Variants in DBF4B observed in about 807,000 individuals in gnomAD.
DBF4B encodes the protein DBF4B-CDC7 kinase regulatory subunit.
Under a neutral mutation model 53.4 loss-of-function variants are expected in DBF4B, and 49 were observed. The observed-to-expected ratio is 0.92, with a 90% confidence interval of 0.73 to 1.16. The LOEUF is 1.16. Ranked by LOEUF, DBF4B falls within the 50% of genes most tolerant of loss-of-function variation. The pLI, the probability that DBF4B is intolerant of heterozygous loss-of-function variation, is 0.00. For synonymous variants in DBF4B, 257 were observed against 288.7 expected, an observed-to-expected ratio of 0.89 and a Z score of 1.11; for missense variants, 692 against 775.0, an observed-to-expected ratio of 0.89 and a Z score of 1.27.
chr17:44,750,596 G>A lies in DBF4B; in HGVS notation c.1191G>A (p.Val397=), dbSNP rs1255901188. Residue 397 remains valine (V), a splice_region_variant and synonymous_variant, in exon 14 of 14, where the codon GTG becomes GTA. Coordinates refer to ENST00000315005, the MANE Select transcript of DBF4B (RefSeq NM_145663.3). Reference sequence around the variant, plus strand: ...GTCGGTCCTTGATCTGCCCTCCAGTGACCCAAGGCAGGGCTGCGGGCCAGC... The same window carrying A: ...GTCGGTCCTTGATCTGCCCTCCAGTAACCCAAGGCAGGGCTGCGGGCCAGC... ...IRKEDSCQAS[V]TQGRAAGQQR... The A allele has an allele frequency of 1.9e-6, 3 of 1,607,218 alleles. No individual in the cohort carries two copies. The highest frequency in any genetic ancestry group is 2.6e-6 in the Non-Finnish European group (3 of 1,175,450).
intron 2 of DBF4B, among the ~76,000 whole-genome samples, chr17:44,720,787 C>T (rs764404631): frequency 6.6e-6 from 1 of 152,072 alleles, no homozygotes; most frequent in Non-Finnish European, 1.5e-5. Flanking sequence ...AATGTGACTG[C>T]ACGATTCCAC....
intron 2 of DBF4B, 22 bp downstream of exon 2, chr17:44,709,388 G>A (rs768183015): frequency 3.4e-5 from 55 of 1,613,928 alleles, no homozygotes; most frequent in Admixed American, 1.7e-4. Flanking sequence ...GACAGAACTA[G>A]GGACGTGAGG....
rs963911681 is a variant in DBF4B at position 44,749,671 on chromosome 17, C to T, written c.1190-924C>T. The T allele has an allele frequency of 1.2e-5, 14 of 1,165,320 alleles. No individual in the cohort carries two copies. Among genetic ancestry groups the T allele is most frequent in the African/African-American group, 4.8e-5 (3 of 62,212 alleles). 72.2% of individuals were successfully genotyped at this position (1,165,320 alleles called of 1,614,324 possible). A position where few individuals can be genotyped will look rare whatever the true frequency, so the allele number is the denominator to read the frequency against. ...TTGCCCAGCTGAGGCTGGCCGCCCA[C>T]GCCAGGAGGCAGAGGCGAAGTTGGC... On this transcript the variant is annotated intron_variant, in intron 13 of 13. Transcript: ENST00000315005. The surrounding 1 kb of genome is among the most constrained non-coding windows in gnomAD (Gnocchi z 4.4).
At chr17:44,746,002 G>A (rs1018648273) in intron 10 of DBF4B, among the ~76,000 whole-genome samples, 3 of 148,942 alleles carry the variant, frequency 2.0e-5, no homozygotes, top group African/African-American at 7.4e-5. Flanking sequence ...GAGGTCGGGA[G>A]TTTGAGACCA....
intron 2 of DBF4B, among the ~76,000 whole-genome samples, chr17:44,711,437 A>G (rs760079767): frequency 8.6e-5 from 13 of 151,928 alleles, no homozygotes; most frequent in Non-Finnish European, 1.5e-4. Context: ...CAGTCTCCCA[A>G]TCTCCTGCCT....
At chr17:44,744,187 G>A (rs1490294969) in intron 10 of DBF4B, among the ~76,000 whole-genome samples, 1 of 149,382 alleles carries the variant, frequency 6.7e-6, no homozygotes, top group Non-Finnish European at 1.5e-5. Context: ...TGAGGCAGGT[G>A]GATCACTTGA....
chr17:44,750,476 C>A (rs1038592219), intron 13 of DBF4B, 119 bp from the exon 14 acceptor site: 3 of 1,474,250 alleles, frequency 2.0e-6, no homozygotes, highest in Non-Finnish European at 2.7e-6. Context: ...CATGTTACCC[C>A]CTTCCTGTTA....
chr17:44,716,511 C>T (rs1257012091), intron 2 of DBF4B, among the ~76,000 whole-genome samples: 35 of 152,094 alleles, frequency 2.3e-4, no homozygotes, highest in Admixed American at 2.3e-3. Flanking sequence ...TTTTTCAGCC[C>T]CAAGACTATT....
Position 44,751,950 on chromosome 17 carries a change from G to A in DBF4B, c.*697G>A. ...CGTTCGTTCATTCAGCACAGGCCTTGCCGTCTGCCCTGAGTCAGCTCCGAG... is the reference window on the plus strand; with the variant it reads ...CGTTCGTTCATTCAGCACAGGCCTTACCGTCTGCCCTGAGTCAGCTCCGAG... On this transcript the variant is annotated 3_prime_UTR_variant, in exon 14 of 14. Transcript: ENST00000315005. The A allele has an allele frequency of 6.5e-7, 1 of 1,536,080 alleles. No individual in the cohort carries two copies. Among genetic ancestry groups the A allele is most frequent in the Non-Finnish European group, 8.7e-7 (1 of 1,146,908 alleles).
chr17:44,738,054 G>A (rs1975630371), intron 8 of DBF4B, among the ~76,000 whole-genome samples: 1 of 152,228 alleles, frequency 6.6e-6, no homozygotes, highest in Non-Finnish European at 1.5e-5. Flanking sequence ...AAACCAGCCA[G>A]GTGTCTGATG....
At chr17:44,733,377 T>G (rs1975033714) in intron 6 of DBF4B, among the ~76,000 whole-genome samples, 1 of 152,212 alleles carries the variant, frequency 6.6e-6, no homozygotes, top group Non-Finnish European at 1.5e-5. Flanking sequence ...GTGCTCCTTC[T>G]TTTTTCACAC....
chr17:44,721,962 C>T (rs1323486816), intron 2 of DBF4B, among the ~76,000 whole-genome samples: 2 of 151,536 alleles, frequency 1.3e-5, no homozygotes, highest in East Asian at 1.9e-4. Flanking sequence ...TGGAGAAACC[C>T]TGACTCTACT....
At chr17:44,730,176 T>C in intron 4 of DBF4B, 80 bp downstream of exon 4, 2 of 1,422,064 alleles carry the variant, frequency 1.4e-6, no homozygotes, top group South Asian at 2.7e-5. Context: ...CAGTCTCTGG[T>C]TTTAATTTCA....
chr17:44,749,544 C>T lies in DBF4B; in HGVS notation c.1190-1051C>T. On this transcript the variant is annotated intron_variant, in intron 13 of 13. Transcript: ENST00000315005. The surrounding 1 kb of genome is among the most constrained non-coding windows in gnomAD (Gnocchi z 4.4). ...CTCCATGGAGCTGACAGAGCCACCCCTCCCACTGGCCAGGTCTTTGGGAGA... is the reference window on the plus strand; with the variant it reads ...CTCCATGGAGCTGACAGAGCCACCCTTCCCACTGGCCAGGTCTTTGGGAGA... 2 of 1,224,880 alleles carry T rather than the reference C, an allele frequency of 1.6e-6. No individual in the cohort carries two copies. The highest frequency in any genetic ancestry group is 5.7e-5 in the East Asian group (1 of 17,454). 75.9% of individuals were successfully genotyped at this position (1,224,880 alleles called of 1,614,324 possible). A position where few individuals can be genotyped will look rare whatever the true frequency, so the allele number is the denominator to read the frequency against.
At chr17:44,708,872 G>C (rs369634628) in intron 1 of DBF4B, 33 bp downstream of exon 1, 5 of 1,549,890 alleles carry the variant, frequency 3.2e-6, no homozygotes, top group East Asian at 2.4e-5. Flanking sequence ...AAAGAAAGGC[G>C]GAAGGGGTCG....
In DBF4B at chr17:44,729,978, G is replaced by A; in HGVS notation, c.299G>A (p.Ser100Asn). ...SSRREVKAES[S>N]GKSHRGCPSP... ...CGCAGAGAAGTAAAGGCAGAGAGCAGTGGGAAAAGCCATAGAGGCTGCCCT... is the reference window on the plus strand; with the variant it reads ...CGCAGAGAAGTAAAGGCAGAGAGCAATGGGAAAAGCCATAGAGGCTGCCCT... The change falls in exon 4 of 14, where the codon AGT (serine) becomes AAT (asparagine). Residue 100 changes from serine to asparagine, a missense_variant. By Grantham distance (46) the Ser-to-Asn change is conservative. Transcript: ENST00000315005. 6.2e-7 allele frequency: 1 copy of A among 1,614,044 alleles called. No individual in the cohort carries two copies. The highest frequency in any genetic ancestry group is 8.5e-7 in the Non-Finnish European group (1 of 1,180,044).
chr17:44,741,287 G>A, intron 9 of DBF4B, 49 bp from the exon 10 acceptor site: 1 of 1,417,514 alleles, frequency 7.1e-7, no homozygotes, highest in Non-Finnish European at 1.0e-6. Flanking sequence ...CCCCTCCTCA[G>A]CCTTTACCTT....
chr17:44,731,276 C>T (rs146134107), intron 5 of DBF4B: 33 of 428,316 alleles, frequency 7.7e-5, no homozygotes, highest in African/African-American at 2.0e-4. Flanking sequence ...TGGGATGTGG[C>T]GGGACAGGGT....
intron 3 of DBF4B, among the ~76,000 whole-genome samples, chr17:44,725,164 G>C (rs570668145): frequency 6.7e-6 from 1 of 149,900 alleles, no homozygotes; most frequent in Non-Finnish European, 1.5e-5. Context: ...AGTGGCACAT[G>C]CCTGTAGTCC....
Sources: allele counts gnomAD v4.1 joint callset (sites outside exome capture counted in the v4.1 genomes callset), GRCh38; gene constraint gnomAD v4.1.1; non-coding constraint Gnocchi (gnomAD v3.1); transcripts MANE v1.5; gene names NCBI Gene and HGNC (gene_info 2026-07-23, HGNC 2026-07-21).